ELAVL4: variants seen among roughly 807,000 people sequenced by gnomAD.
ELAVL4 encodes ELAV-like protein 4.
ELAVL4 carries 1 observed loss-of-function variant against 35.6 expected under a neutral mutation model. The ratio of observed to expected loss-of-function variants is 0.03; its 90% CI spans 0.01 to 0.13. The LOEUF (loss-of-function observed/expected upper bound fraction) is 0.13. Ranked by LOEUF, ELAVL4 falls within the 10% of genes least tolerant of loss-of-function variation. The probability of loss-of-function intolerance (pLI) is 1.00; values close to 1 mark genes in which losing one functional copy is unlikely to be tolerated. For synonymous variants in ELAVL4, 156 were observed against 171.0 expected, an observed-to-expected ratio of 0.91 and a Z score of 0.69; for missense variants, 267 against 464.9, an observed-to-expected ratio of 0.57 and a Z score of 3.91.
intron 1 of ELAVL4, among the ~76,000 whole-genome samples, chr1:50,066,442 T>C (rs1664269712): frequency 6.6e-6 from 1 of 152,194 alleles, no homozygotes; most frequent in Non-Finnish European, 1.5e-5. Context: ...TCATTTCATG[T>C]TCTACCCATA....
At chr1:50,142,456 G>A (rs1672984493) in intron 1 of ELAVL4, among the ~76,000 whole-genome samples, 1 of 152,120 alleles carries the variant, frequency 6.6e-6, no homozygotes, top group African/African-American at 2.4e-5. Context: ...GCCCACCTCG[G>A]CCTCCCAAAG....
At chr1:50,098,237 A>G (rs1665799629) in intron 1 of ELAVL4, among the ~76,000 whole-genome samples, 1 of 152,166 alleles carries the variant, frequency 6.6e-6, no homozygotes, top group South Asian at 2.1e-4. Context: ...CTCTTTATTC[A>G]CTCTTCTCAG....
rs1644411282 is a variant in ELAVL4, at chr1:50,201,986, A to G, written c.*808A>G. 6.6e-6 allele frequency: 1 copy of G among 152,192 alleles called. No individual in the cohort carries two copies. Among genetic ancestry groups the G allele is most frequent in the East Asian group, 1.9e-4 (1 of 5,200 alleles). 9.4% of individuals were successfully genotyped at this position (152,192 alleles called of 1,614,324 possible). On this transcript the variant is annotated 3_prime_UTR_variant, in exon 7 of 7. Transcript: ENST00000371824. This position sits in a 1 kb window ranked among gnomAD's most constrained non-coding sequence, Gnocchi z 4.3. ...AAAAAATATTTTGACTGGCTAATTT[A>G]GGGGAAATTGACAACTTTGTCGCGT...
At chr1:50,170,936 G>A (rs531050075) in intron 2 of ELAVL4, among the ~76,000 whole-genome samples, 2 of 152,266 alleles carry the variant, frequency 1.3e-5, no homozygotes, top group African/African-American at 4.8e-5. Context: ...TGGTTGCTGA[G>A]GTGGGAGGAT....
In ELAVL4 at chr1:50,109,130, T is replaced by C. The variant is rs1484762183; in HGVS notation, c.-60T>C. 2 of 1,570,762 alleles carry C rather than the reference T, an allele frequency of 1.3e-6. No homozygotes were observed. The highest frequency in any genetic ancestry group is 1.2e-5 in the South Asian group (1 of 86,524). ...GTCATTTTAAATATATATTCTGAAA[T>C]CTTTGCAAATTTTAACAGAAGAGTC... On this transcript the variant is annotated 5_prime_UTR_variant, in exon 1 of 7. Coordinates refer to ENST00000371824, the MANE Select transcript of ELAVL4 (RefSeq NM_001144774.3).
chr1:50,133,595 AAAGAAAAGAAAG>A (rs1353217485), intron 1 of ELAVL4, among the ~76,000 whole-genome samples: 212 of 129,474 alleles, frequency 1.6e-3, no homozygotes, highest in Admixed American at 4.0e-3. Context: ...AGAAAGAAAG[AAAGAAAAGAAAG>A]AAAGAAAGAA....
chr1:50,071,029 A>G (rs981507355), intron 1 of ELAVL4, among the ~76,000 whole-genome samples: 8 of 151,934 alleles, frequency 5.3e-5, no homozygotes, highest in Admixed American at 5.2e-4. Flanking sequence ...CTGGCTCCTT[A>G]GCGCCATCCT....
chr1:50,054,871 C>G (rs573583464), intron 1 of ELAVL4, among the ~76,000 whole-genome samples: 3 of 152,318 alleles, frequency 2.0e-5, no homozygotes, highest in Admixed American at 2.0e-4. Flanking sequence ...GGAGCACTTA[C>G]AGGATATCTC....
intron 1 of ELAVL4, among the ~76,000 whole-genome samples, chr1:50,126,998 G>A (rs538387692): frequency 6.4e-4 from 98 of 152,016 alleles, no homozygotes; most frequent in African/African-American, 1.5e-3. Context: ...AATCTTGATG[G>A]CTACACTCAT....
At position 50,160,034 on chromosome 1, in the gene ELAVL4, C is replaced by A. The variant is rs74457220; in HGVS notation, c.250+14837C>A. Among the ~76,000 whole-genome samples the A allele has an allele frequency of 4.7e-3, 712 of 152,206 alleles. 6 individuals are homozygous for A. Among genetic ancestry groups the A allele is most frequent in the African/African-American group, 0.015 (629 of 41,514 alleles). On this transcript the variant is annotated intron_variant, in intron 2 of 6. Transcript: ENST00000371824. ...TTTGAAAATTATTGAGTACTGAGCA[C>A]GTTCTGGGTATGATTCAAACCGTGG... is the stretch of plus-strand genomic sequence containing the variant.
At chr1:50,172,402 T>C (rs1679175920) in intron 2 of ELAVL4, among the ~76,000 whole-genome samples, 3 of 152,216 alleles carry the variant, frequency 2.0e-5, no homozygotes, top group African/African-American at 7.2e-5. Flanking sequence ...GAATCATTGT[T>C]ATTATAATAA....
intron 1 of ELAVL4, among the ~76,000 whole-genome samples, chr1:50,085,468 T>C (rs1665198790): frequency 6.6e-6 from 1 of 152,168 alleles, no homozygotes; most frequent in South Asian, 2.1e-4. Flanking sequence ...GGTGCCCAGA[T>C]TGGCTCTATT....
intron 2 of ELAVL4, among the ~76,000 whole-genome samples, chr1:50,150,593 GAGTAC>G (rs1279559320): frequency 6.6e-6 from 1 of 152,198 alleles, no homozygotes; most frequent in Non-Finnish European, 1.5e-5. Context: ...AGTCATGACA[GAGTAC>G]AGTCTATTGG....
intron 3 of ELAVL4, among the ~76,000 whole-genome samples, chr1:50,187,929 C>T (rs1027448487): frequency 1.3e-5 from 2 of 152,060 alleles, no homozygotes; most frequent in Non-Finnish European, 1.5e-5. Context: ...AATCCCTTCT[C>T]TACTAAAAAT....
At chr1:50,055,709 C>T (rs1663625345) in intron 1 of ELAVL4, among the ~76,000 whole-genome samples, 1 of 151,992 alleles carries the variant, frequency 6.6e-6, no homozygotes, top group African/African-American at 2.4e-5. Context: ...CGGTGCCTCA[C>T]GCCTGTAATC....
At chr1:50,058,501 A>G (rs1262007629) in intron 1 of ELAVL4, among the ~76,000 whole-genome samples, 2 of 152,176 alleles carry the variant, frequency 1.3e-5, no homozygotes, top group African/African-American at 4.8e-5. Context: ...GGTTGTTATA[A>G]AGGGAGCATG....
rs1270175474 is a variant in ELAVL4, at chr1:50,170,288, A to T, written c.251-6801A>T. On this transcript the variant is annotated intron_variant, in intron 2 of 6. Coordinates refer to ENST00000371824, the MANE Select transcript of ELAVL4 (RefSeq NM_001144774.3). ...CCTTGAAAAAAGTAATATTAGCCCC[A>T]TCTTATAAATGAGTTTATTGGAGCA... is the stretch of plus-strand genomic sequence containing the variant. 1.3e-4 allele frequency among the ~76,000 whole-genome samples: 20 copies of T among 152,196 alleles called. 1 individual carries two copies. The highest frequency in any genetic ancestry group is 8.8e-5 in the Non-Finnish European group (6 of 68,028).
intron 1 of ELAVL4, among the ~76,000 whole-genome samples, chr1:50,117,801 T>C (rs1444731187): frequency 6.6e-6 from 1 of 152,106 alleles, no homozygotes; most frequent in African/African-American, 2.4e-5. Context: ...CATTGTATGC[T>C]ACCCTCACTG....
At position 50,048,261 on chromosome 1, in the gene ELAVL4, C is replaced by T. The variant is rs1663172383; in HGVS notation, c.18+79C>T. 10 of 1,412,826 alleles carry T rather than the reference C, an allele frequency of 7.1e-6. No individual in the cohort carries two copies. In the South Asian group the frequency reaches 1.3e-4, roughly 19 times the overall value. The allele number at this position is 1,412,826 out of a possible 1,614,324, so 87.5% of individuals were successfully genotyped here. A position where few individuals can be genotyped will look rare whatever the true frequency, so the allele number is the denominator to read the frequency against. On this transcript the variant is annotated intron_variant, in intron 1 of 6. Coordinates refer to the ELAVL4 transcript ENST00000448907. ...ACGGACACCCGCTGGGCCACGTGGT[C>T]GCGACTGGCTTCTCCCAGCGGCCAG... is the stretch of plus-strand genomic sequence containing the variant.
Sources: allele counts gnomAD v4.1 joint callset (sites outside exome capture counted in the v4.1 genomes callset), GRCh38; gene constraint gnomAD v4.1.1; non-coding constraint Gnocchi (gnomAD v3.1); transcripts MANE v1.5; gene names NCBI Gene and HGNC (gene_info 2026-07-23, HGNC 2026-07-21).